LRRK1: variants seen among roughly 807,000 people sequenced by gnomAD.
LRRK1 encodes leucine rich repeat kinase 1, also known as leucine-rich repeat serine/threonine-protein kinase 1.
Under a neutral mutation model 209.1 loss-of-function variants are expected in LRRK1, and 113 were observed. The ratio of observed to expected loss-of-function variants is 0.54; its 90% CI spans 0.46 to 0.63. The LOEUF (loss-of-function observed/expected upper bound fraction) is 0.63, where lower values mean the gene tolerates loss of function less well. Among genes scored for constraint, LRRK1 ranks in the 30% least tolerant of loss-of-function variants. LRRK1 has a pLI of 0.00. For synonymous variants in LRRK1, 1,144 were observed against 1,099.7 expected (o/e 1.04, Z -0.80); for missense variants, 2,284 against 2,632.2 (o/e 0.87, Z 2.89).
At chr15:100,985,701 A>C (rs1204574644) in intron 4 of LRRK1, among the ~76,000 whole-genome samples, 3 of 152,256 alleles carry the variant, frequency 2.0e-5, no homozygotes, top group African/African-American at 7.2e-5. Context: ...ATGGTTTTCA[A>C]CTGCTCCCAG....
rs964654333 is a variant in LRRK1 at position 101,076,700 on chromosome 15, A to G, written c.*7852A>G. The stretch of plus-strand genomic sequence containing the variant: ...GCTATTCTACTGCTCCTCAGGGATT[A>G]TTCAGGCCCCCTCCCTTCCCTACAC... On this transcript the variant is annotated 3_prime_UTR_variant, in exon 34 of 34. Transcript: ENST00000388948. 6.6e-6 allele frequency: 1 copy of G among 151,396 alleles called. No homozygotes were observed. The highest frequency in any genetic ancestry group is 1.5e-5 in the Non-Finnish European group (1 of 68,094). The allele number at this position is 151,396 out of a possible 1,614,324, so 9.4% of individuals were successfully genotyped here. A position where few individuals can be genotyped will look rare whatever the true frequency, so the allele number is the denominator to read the frequency against.
chr15:100,929,120 T>A (rs936264868), intron 2 of LRRK1, among the ~76,000 whole-genome samples: 12 of 151,988 alleles, frequency 7.9e-5, no homozygotes, highest in Non-Finnish European at 1.5e-4. Flanking sequence ...CCAGCCAGAG[T>A]GGAAAAACCA....
Position 101,078,193 on chromosome 15 carries a change from ACT to A in LRRK1, c.*9350_*9351del, listed in dbSNP as rs1309090183. Reference sequence around the variant, plus strand: ...GCCCCACCCCCATCTCCCTGCACTGACTCTCTTTTCGGACTCAGCCCGCCTGC... The same window carrying A: ...GCCCCACCCCCATCTCCCTGCACTGACTCTTTTCGGACTCAGCCCGCCTGC... On this transcript the variant is annotated 3_prime_UTR_variant, in exon 34 of 34. Transcript: ENST00000388948. 6.6e-6 allele frequency: 1 copy of A among 151,250 alleles called. No individual in the cohort carries two copies. The highest frequency in any genetic ancestry group is 1.5e-5 in the Non-Finnish European group (1 of 67,896). 9.4% of individuals were successfully genotyped at this position (151,250 alleles called of 1,614,324 possible). A position where few individuals can be genotyped will look rare whatever the true frequency, so the allele number is the denominator to read the frequency against.
chr15:101,008,774 C>A, intron 6 of LRRK1, 63 bp from the exon 7 acceptor site: 2 of 1,288,356 alleles, frequency 1.6e-6, no homozygotes, highest in Non-Finnish European at 2.3e-6. Flanking sequence ...TTGCTTTATT[C>A]CAAGCCCATG....
rs1392894767 is a variant in LRRK1, at chr15:101,077,761, C to G, written c.*8913C>G. On this transcript the variant is annotated 3_prime_UTR_variant, in exon 34 of 34. Coordinates refer to ENST00000388948, the MANE Select transcript of LRRK1 (RefSeq NM_024652.6). Reference sequence around the variant, plus strand: ...TCGCCCATTCTCTCTCTCCACACCGCCCCCCAAAAATTTTCGCTGCCCCAA... The same window carrying G: ...TCGCCCATTCTCTCTCTCCACACCGGCCCCCAAAAATTTTCGCTGCCCCAA... 1.3e-5 allele frequency: 2 copies of G among 152,060 alleles called. No homozygotes were observed. The highest frequency in any genetic ancestry group is 4.8e-5 in the African/African-American group (2 of 41,388). 9.4% of individuals were successfully genotyped at this position (152,060 alleles called of 1,614,324 possible).
intron 2 of LRRK1, among the ~76,000 whole-genome samples, chr15:100,965,407 T>C (rs1458326783): frequency 6.6e-6 from 1 of 152,234 alleles, no homozygotes; most frequent in Non-Finnish European, 1.5e-5. Context: ...TTAAATATTT[T>C]ATGTTTTTTC....
In LRRK1 at chr15:101,021,071, C is replaced by T. The variant is rs772736703; in HGVS notation, c.1628C>T (p.Pro543Leu). The T allele has an allele frequency of 4.3e-6, 7 of 1,614,018 alleles. No homozygotes were observed. Among genetic ancestry groups the T allele is most frequent in the South Asian group, 1.1e-5 (1 of 91,082 alleles). The change falls in exon 13 of 34, where the codon CCG becomes CTG. Residue 543 changes from proline (P) to leucine (L), a missense_variant. Transcript: ENST00000388948. The stretch of plus-strand genomic sequence containing the variant: ...TTTGCAGCAAGTGTGCTGGAATTTC[C>T]GGCCTTCCTAAGTGAGTCTTTGGAA... ...GTEAASVLEF[P>L]AFLSESLEVL... is the part of the protein sequence containing the mutation.
At chr15:100,964,620 T>C (rs11637252) in intron 2 of LRRK1, among the ~76,000 whole-genome samples, 43 of 152,358 alleles carry the variant, frequency 2.8e-4, no homozygotes, top group Middle Eastern at 3.4e-3. Context: ...CACTTTTTGC[T>C]GCTCTATTGA....
Position 101,051,252 on chromosome 15 carries a change from G to A in LRRK1, c.3440-459G>A, listed in dbSNP as rs548163318. 6.8e-4 allele frequency among the ~76,000 whole-genome samples: 104 copies of A among 152,330 alleles called. 1 individual carries two copies. The South Asian group carries it at 7.5e-3, about 11-fold the overall frequency. On this transcript the variant is annotated intron_variant, in intron 23 of 33. Transcript: ENST00000388948. ...ATCCCGTGTCCGGTGACTGAGTTTC[G>A]TCTATGATAATTTGCACTCATTTCT...
intron 27 of LRRK1, 137 bp from the exon 28 acceptor site, chr15:101,056,719 A>AG (rs1657763647): frequency 1.3e-5 from 8 of 609,812 alleles, no homozygotes; most frequent in Non-Finnish European, 2.0e-5. Context: ...AAATGGATAG[A>AG]GGGACATGGT....
chr15:100,973,989 C>T (rs1182006781), intron 3 of LRRK1, 22 bp downstream of exon 3: 2 of 1,245,216 alleles, frequency 1.6e-6, no homozygotes, highest in Non-Finnish European at 1.0e-6. Flanking sequence ...CCTGCCCCTG[C>T]GGCCACCCAT....
chr15:101,008,640 G>A (rs1396200216), intron 6 of LRRK1, among the ~76,000 whole-genome samples, 197 bp from the exon 7 acceptor site: 2 of 152,230 alleles, frequency 1.3e-5, no homozygotes, highest in East Asian at 3.8e-4. Flanking sequence ...CGCAGGTGCC[G>A]ATGGGAACAG....
At chr15:101,012,589 G>GT (rs373437898) in intron 10 of LRRK1, among the ~76,000 whole-genome samples, 8 of 152,192 alleles carry the variant, frequency 5.3e-5, no homozygotes, top group Non-Finnish European at 1.2e-4. Context: ...CCCAGAAGGG[G>GT]CCCCATCAGG....
intron 2 of LRRK1, among the ~76,000 whole-genome samples, chr15:100,957,750 G>A (rs1364873356): frequency 6.6e-6 from 1 of 152,228 alleles, no homozygotes; most frequent in African/African-American, 2.4e-5. Flanking sequence ...AATCTATTCA[G>A]CTACTGTGTG....
chr15:100,963,281 C>T (rs1038685628), intron 2 of LRRK1, among the ~76,000 whole-genome samples: 2 of 152,190 alleles, frequency 1.3e-5, no homozygotes, highest in Non-Finnish European at 2.9e-5. Context: ...ATGGCCGCAT[C>T]CGAGCCCCTT....
intron 2 of LRRK1, among the ~76,000 whole-genome samples, chr15:100,930,883 T>G (rs544131427): frequency 4.6e-5 from 7 of 152,236 alleles, no homozygotes; most frequent in Non-Finnish European, 1.0e-4. Context: ...CCCAATGCCA[T>G]GTAAGTCTAA....
In LRRK1 at chr15:101,024,770, T is replaced by G; in HGVS notation, c.2068-33T>G. The G allele has an allele frequency of 6.3e-7, 1 of 1,598,632 alleles. No individual in the cohort carries two copies. Among genetic ancestry groups the G allele is most frequent in the East Asian group, 2.2e-5 (1 of 44,500 alleles). ...TTGACTGAAGCCTTTGTCTCTAAAA[T>G]GCCTCCCTGTCGCTGCCTTGTTGCT... On this transcript the variant is annotated intron_variant, in intron 15 of 33. Transcript: ENST00000388948. The surrounding 1 kb of genome is among the most constrained non-coding windows in gnomAD (Gnocchi z 4.6).
intron 2 of LRRK1, among the ~76,000 whole-genome samples, chr15:100,942,071 A>G (rs2042448843): frequency 6.6e-6 from 1 of 152,222 alleles, no homozygotes; most frequent in African/African-American, 2.4e-5. Context: ...ATAATTTCTA[A>G]GGATTTGGAG....
chr15:101,007,985 C>G (rs1016906871), intron 6 of LRRK1, among the ~76,000 whole-genome samples: 2 of 151,570 alleles, frequency 1.3e-5, no homozygotes, highest in Admixed American at 6.6e-5. Context: ...GGTGAAACAC[C>G]GTCTCTAATA....
Sources: allele counts gnomAD v4.1 joint callset (sites outside exome capture counted in the v4.1 genomes callset), GRCh38; gene constraint gnomAD v4.1.1; non-coding constraint Gnocchi (gnomAD v3.1); transcripts MANE v1.5; gene names NCBI Gene and HGNC (gene_info 2026-07-23, HGNC 2026-07-21).